Variants in SPIN1 observed in about 807,000 individuals in gnomAD.
The protein encoded by SPIN1 is spindlin-1.
SPIN1 carries 3 observed loss-of-function variants against 26.0 expected under a neutral mutation model. That is an observed-to-expected ratio of 0.12 (90% CI 0.05 to 0.30). SPIN1 has a LOEUF of 0.30. SPIN1 is among the 10% of genes least tolerant of loss of function. SPIN1 has a pLI of 1.00. For missense variants in SPIN1, 126 were observed against 333.4 expected, an observed-to-expected ratio of 0.38 and a Z score of 4.84; for synonymous variants, 101 against 116.5, an observed-to-expected ratio of 0.87 and a Z score of 0.86.
At chr9:88,416,971 A>C (rs1399077594) in intron 1 of SPIN1, among the ~76,000 whole-genome samples, 1 of 152,216 alleles carries the variant, frequency 6.6e-6, no homozygotes, top group African/African-American at 2.4e-5. Flanking sequence ...TAGCAGAATG[A>C]CCTAACCTGT....
chr9:88,414,906 A>AT (rs973695158), intron 1 of SPIN1, among the ~76,000 whole-genome samples: 24 of 151,822 alleles, frequency 1.6e-4, no homozygotes, highest in Middle Eastern at 3.4e-3. Flanking sequence ...GTGTTTAATA[A>AT]TTTTTTTTGT....
intron 4 of SPIN1, 43 bp from the exon 5 acceptor site, chr9:88,468,329 C>T (rs374008746): frequency 1.6e-5 from 23 of 1,421,040 alleles, no homozygotes; most frequent in African/African-American, 1.2e-4. Flanking sequence ...CGGTAATCAG[C>T]GAAACACTTT....
intron 1 of SPIN1, chr9:88,410,934 C>G (rs548825879): frequency 3.9e-5 from 45 of 1,145,412 alleles, no homozygotes; most frequent in Non-Finnish European, 5.9e-5. Context: ...GCTTTCCTAA[C>G]TTCACAATTG....
At chr9:88,451,342 G>GTAA (rs1828348265) in intron 3 of SPIN1, among the ~76,000 whole-genome samples, 1 of 152,128 alleles carries the variant, frequency 6.6e-6, no homozygotes, top group Non-Finnish European at 1.5e-5. Flanking sequence ...TGTCCCCGAA[G>GTAA]GTGTTAGGAA....
At chr9:88,430,926 A>T (rs1827856428) in intron 2 of SPIN1, among the ~76,000 whole-genome samples, 1 of 136,758 alleles carries the variant, frequency 7.3e-6, no homozygotes. Context: ...CTTGTTGCCC[A>T]GGCTGGAGTG....
At chr9:88,446,408 G>GTTTTTTTTTTT (rs372052401) in intron 2 of SPIN1, among the ~76,000 whole-genome samples, 1 of 129,884 alleles carries the variant, frequency 7.7e-6, no homozygotes, top group Non-Finnish European at 1.6e-5. Flanking sequence ...TTGGTTTGCT[G>GTTTTTTTTTTT]TTTTTTTTTT....
chr9:88,456,006 G>A (rs1023679934), intron 3 of SPIN1, among the ~76,000 whole-genome samples: 14 of 152,074 alleles, frequency 9.2e-5, no homozygotes, highest in Non-Finnish European at 1.6e-4. Context: ...TAGAGATAAC[G>A]CTCTGAGCTT....
intron 2 of SPIN1, among the ~76,000 whole-genome samples, chr9:88,443,581 G>A (rs965078892): frequency 6.6e-5 from 10 of 152,186 alleles, no homozygotes; most frequent in African/African-American, 2.4e-4. Flanking sequence ...TCTGATGCTT[G>A]TTTTCTCTGT....
At chr9:88,410,206 T>A (rs1376719006) in intron 1 of SPIN1, among the ~76,000 whole-genome samples, 1 of 151,186 alleles carries the variant, frequency 6.6e-6, no homozygotes, top group Non-Finnish European at 1.5e-5. Flanking sequence ...TTTTTTTTTT[T>A]AAAGACATTT....
chr9:88,470,378 T>TG (rs975627184), intron 5 of SPIN1, among the ~76,000 whole-genome samples: 14 of 152,166 alleles, frequency 9.2e-5, no homozygotes, highest in Non-Finnish European at 1.5e-4. Flanking sequence ...TTTAATCGTT[T>TG]GGGGGAACTG....
intron 1 of SPIN1, chr9:88,411,344 A>T: frequency 6.6e-7 from 1 of 1,512,198 alleles, no homozygotes; most frequent in Non-Finnish European, 9.1e-7. Context: ...ACAGTCCGTG[A>T]GTGTCCCCCA....
Position 88,411,563 on chromosome 9 carries a change from G to C in SPIN1, c.-158-14819G>C. ...GAATCTCACTTTGTCACCCAGGCTAGAGTGCAGTGGCATGATCTTGGCTTA... is the reference window on the plus strand; with the variant it reads ...GAATCTCACTTTGTCACCCAGGCTACAGTGCAGTGGCATGATCTTGGCTTA... On this transcript the variant is annotated intron_variant, in intron 1 of 5. Coordinates refer to ENST00000375859, the MANE Select transcript of SPIN1 (RefSeq NM_006717.3). 33 of 605,604 alleles carry C rather than the reference G, an allele frequency of 5.4e-5. 1 individual carries two copies. In the South Asian group the frequency reaches 6.9e-4, roughly 13 times the overall value. The allele number at this position is 605,604 out of a possible 1,614,324, so 37.5% of individuals were successfully genotyped here. A position where few individuals can be genotyped will look rare whatever the true frequency, so the allele number is the denominator to read the frequency against.
intron 1 of SPIN1, among the ~76,000 whole-genome samples, chr9:88,412,483 A>G (rs1827470714): frequency 6.6e-6 from 1 of 152,094 alleles, no homozygotes; most frequent in South Asian, 2.1e-4. Flanking sequence ...AGACCCAGAG[A>G]GACTGCTTGT....
chr9:88,413,055 T>C (rs1053845341), intron 1 of SPIN1, among the ~76,000 whole-genome samples: 3 of 149,684 alleles, frequency 2.0e-5, no homozygotes, highest in Non-Finnish European at 2.9e-5. Context: ...TTTTAAGATA[T>C]TAAAATTAAG....
intron 2 of SPIN1, among the ~76,000 whole-genome samples, chr9:88,446,509 C>T (rs948984998): frequency 3.3e-4 from 50 of 150,962 alleles, no homozygotes; most frequent in African/African-American, 1.0e-3. Context: ...TGGGTTCAAG[C>T]GATTCTCCTG....
At chr9:88,392,313 A>T (rs1826941063) in intron 1 of SPIN1, among the ~76,000 whole-genome samples, 2 of 152,206 alleles carry the variant, frequency 1.3e-5, no homozygotes, top group Non-Finnish European at 2.9e-5. Context: ...CCCTTTATAG[A>T]ACAAGTCGTG....
chr9:88,408,981 T>TTGTGTGTGTGTGTGTGTGTGTGTG (rs148808911), intron 1 of SPIN1, among the ~76,000 whole-genome samples: 28 of 136,698 alleles, frequency 2.0e-4, no homozygotes, highest in African/African-American at 6.1e-4. Flanking sequence ...TTGTGTGTGT[T>TTGTGTGTGTGTGTGTGTGTGTGTG]TGTGTGTGTG....
intron 5 of SPIN1, among the ~76,000 whole-genome samples, chr9:88,473,296 A>C (rs1335464368): frequency 6.6e-6 from 1 of 152,116 alleles, no homozygotes; most frequent in Non-Finnish European, 1.5e-5. Context: ...GGGAGGCTGA[A>C]GCAGAAGAAT....
intron 5 of SPIN1, among the ~76,000 whole-genome samples, chr9:88,473,207 A>G (rs1327119167): frequency 6.6e-6 from 1 of 152,132 alleles, no homozygotes; most frequent in East Asian, 1.9e-4. Context: ...AGCCTGGTCA[A>G]TATGGTGAAA....
Sources: gnomAD v4.1 joint callset for allele counts (sites outside exome capture counted in the v4.1 genomes callset) on GRCh38, gnomAD v4.1.1 for gene constraint, MANE v1.5 for transcripts, NCBI Gene and HGNC (gene_info 2026-07-23, HGNC 2026-07-21) for gene names.